The following SHC2 variants were observed in gnomAD, a reference collection of about 807,000 sequenced individuals.
The protein encoded by SHC2 is SHC adaptor protein 2, also known as SHC-transforming protein 2.
A neutral mutation model predicts 60.6 loss-of-function variants in SHC2; 62 were observed. The ratio of observed to expected loss-of-function variants is 1.02; its 90% CI spans 0.83 to 1.26. The LOEUF is 1.26. Among genes scored for constraint, SHC2 ranks in the 50% most tolerant of loss-of-function variants. The pLI, the probability that SHC2 is intolerant of heterozygous loss-of-function variation, is 0.00. For synonymous variants in SHC2, 375 were observed against 372.4 expected, an observed-to-expected ratio of 1.01 and a Z score of -0.08; for missense variants, 873 against 822.2, an observed-to-expected ratio of 1.06 and a Z score of -0.76.
At chr19:449,018 A>G (rs1218500514) in intron 1 of SHC2, among the ~76,000 whole-genome samples, 1 of 150,856 alleles carries the variant, frequency 6.6e-6, no homozygotes, top group Non-Finnish European at 1.5e-5. Context: ...AAATACAAAA[A>G]GTAGCCAGGC....
At chr19:456,271 C>T (rs1975340630) in intron 1 of SHC2, among the ~76,000 whole-genome samples, 2 of 152,158 alleles carry the variant, frequency 1.3e-5, no homozygotes, top group Non-Finnish European at 2.9e-5. Context: ...CCTGTGCCTG[C>T]TGTGATGTAG....
In SHC2 at chr19:422,713, CTCTT is replaced by C. The variant is rs372974331; in HGVS notation, c.1310-261_1310-258del. On this transcript the variant is annotated intron_variant, in intron 10 of 12. Coordinates refer to ENST00000264554, the MANE Select transcript of SHC2 (RefSeq NM_012435.3). This position sits in a 1 kb window ranked among gnomAD's most constrained non-coding sequence, Gnocchi z 5.0. ...AAGCATGTACAAAGGGTAACAGCAG[CTCTT>C]TCTTTCAGAGGTTAACTCCTATTTC... 5.4e-4 allele frequency: 221 copies of C among 411,410 alleles called. No individual in the cohort carries two copies. The highest frequency in any genetic ancestry group is 4.3e-3 in the Middle Eastern group (7 of 1,624). 25.5% of individuals were successfully genotyped at this position (411,410 alleles called of 1,614,324 possible).
In SHC2 at chr19:424,242, G is replaced by T. The variant is rs1298628625; in HGVS notation, c.1309+855C>A. Among the ~76,000 whole-genome samples, 2 of 152,172 alleles carry T rather than the reference G, an allele frequency of 1.3e-5. No individual in the cohort carries two copies. The highest frequency in any genetic ancestry group is 2.4e-5 in the African/African-American group (1 of 41,454). On this transcript the variant is annotated intron_variant, in intron 10 of 12. Coordinates refer to ENST00000264554, the MANE Select transcript of SHC2 (RefSeq NM_012435.3). This position sits in a 1 kb window ranked among gnomAD's most constrained non-coding sequence, Gnocchi z 4.5. ...GACAAGCCTCCTCCGCCCGGCTGGG[G>T]GCTCCCTCGGGCTGGGTCATCCACG...
At position 441,668 on chromosome 19, in the gene SHC2, G is replaced by A. The variant is rs567592952; in HGVS notation, c.469-736C>T. Among the ~76,000 whole-genome samples, 37 of 152,350 alleles carry A rather than the reference G, an allele frequency of 2.4e-4. No individual in the cohort carries two copies. The East Asian group carries it at 6.2e-3, about 25-fold the overall frequency. ...AGAGCATGTGTGGGTGCCAGGAGCC[G>A]GGGAATGAAGGCTGACACGAACAGG... On this transcript the variant is annotated intron_variant, in intron 1 of 12. Coordinates refer to ENST00000264554, the MANE Select transcript of SHC2 (RefSeq NM_012435.3). The surrounding 1 kb of genome is among the most constrained non-coding windows in gnomAD (Gnocchi z 4.9).
intron 9 of SHC2, among the ~76,000 whole-genome samples, chr19:428,717 C>T (rs1399983088): frequency 6.6e-6 from 1 of 152,178 alleles, no homozygotes; most frequent in African/African-American, 2.4e-5. Context: ...TTTTTAAACT[C>T]CATGATGTTT....
chr19:454,900 G>T (rs989849758), intron 1 of SHC2, among the ~76,000 whole-genome samples: 6 of 152,228 alleles, frequency 3.9e-5, no homozygotes, highest in Non-Finnish European at 8.8e-5. Context: ...CCCAGTGCTG[G>T]TGGTGGCCGG....
At chr19:420,803 G>A (rs999034055) in intron 11 of SHC2, among the ~76,000 whole-genome samples, 6 of 152,160 alleles carry the variant, frequency 3.9e-5, no homozygotes, top group African/African-American at 1.4e-4. Context: ...TGTAATCCCA[G>A]CACTTTGGGA....
At position 441,072 on chromosome 19, in the gene SHC2, G is replaced by T. The variant is rs145398565; in HGVS notation, c.469-140C>A. 6.7e-7 allele frequency: 1 copy of T among 1,491,162 alleles called. No individual in the cohort carries two copies. The highest frequency in any genetic ancestry group is 9.0e-7 in the Non-Finnish European group (1 of 1,113,298). 92.4% of individuals were successfully genotyped at this position (1,491,162 alleles called of 1,614,324 possible). On this transcript the variant is annotated intron_variant, in intron 1 of 12. Coordinates refer to ENST00000264554, the MANE Select transcript of SHC2 (RefSeq NM_012435.3). This position sits in a 1 kb window ranked among gnomAD's most constrained non-coding sequence, Gnocchi z 4.9. The stretch of plus-strand genomic sequence containing the variant: ...TGTCCCTGGTGGCTCTGGGGCCGTC[G>T]TGCCTCCCCCACCTCAAGGCCCAGC...
At chr19:421,500 G>A (rs1272343936) in intron 11 of SHC2, among the ~76,000 whole-genome samples, 1 of 151,810 alleles carries the variant, frequency 6.6e-6, no homozygotes, top group Non-Finnish European at 1.5e-5. Context: ...TCAGTAACTT[G>A]ATCCCAAAAT....
At position 418,941 on chromosome 19, in the gene SHC2, G is replaced by C; in HGVS notation, c.1736C>G (p.Ser579Ter). ...ESELHLRGVV[S>*]REP ...CACACACCTGGCTCAGGGCTCCCGT[G>C]AGACCACGCCACGCAGGTGCAGCTC... Residue 579 changes from serine to a stop codon, truncating the protein, a stop_gained, in exon 12 of 13, where the codon TCA becomes TGA. Coordinates refer to ENST00000264554, the MANE Select transcript of SHC2 (RefSeq NM_012435.3). LOFTEE classifies it high-confidence loss of function. The C allele has an allele frequency of 1.3e-6, 2 of 1,589,602 alleles. No individual in the cohort carries two copies. Among genetic ancestry groups the C allele is most frequent in the Non-Finnish European group, 1.7e-6 (2 of 1,168,332 alleles).
chr19:436,534 CAG>C, intron 5 of SHC2, 94 bp downstream of exon 5: 1 of 1,581,544 alleles, frequency 6.3e-7, no homozygotes, highest in East Asian at 2.3e-5. Context: ...GATGTGGGCA[CAG>C]GGTACGTTAG....
chr19:425,255 G>A lies in SHC2; in HGVS notation c.1175-24C>T. ...AGCTGGGGAGTGTAAAGAGGGGCAGGGGGTCAGCTGGGAGCCAGGCGAGGG... is the reference window on the plus strand; with the variant it reads ...AGCTGGGGAGTGTAAAGAGGGGCAGAGGGTCAGCTGGGAGCCAGGCGAGGG... On this transcript the variant is annotated intron_variant, in intron 9 of 12. Transcript: ENST00000264554. The surrounding 1 kb of genome is among the most constrained non-coding windows in gnomAD (Gnocchi z 4.1). The A allele has an allele frequency of 7.6e-7, 1 of 1,314,306 alleles. No homozygotes were observed. The highest frequency in any genetic ancestry group is 9.8e-7 in the Non-Finnish European group (1 of 1,023,748). The allele number at this position is 1,314,306 out of a possible 1,614,324, so 81.4% of individuals were successfully genotyped here. A position where few individuals can be genotyped will look rare whatever the true frequency, so the allele number is the denominator to read the frequency against.
chr19:442,032 G>A (rs1313620977), intron 1 of SHC2, among the ~76,000 whole-genome samples: 1 of 152,224 alleles, frequency 6.6e-6, no homozygotes, highest in African/African-American at 2.4e-5. Flanking sequence ...TGAGAATGCA[G>A]GCAGGAAGCA....
In SHC2 at chr19:440,618, T is replaced by C. The variant is rs1486632028; in HGVS notation, c.539+244A>G. On this transcript the variant is annotated intron_variant, in intron 2 of 12. Coordinates refer to ENST00000264554, the MANE Select transcript of SHC2 (RefSeq NM_012435.3). The surrounding 1 kb of genome is among the most constrained non-coding windows in gnomAD (Gnocchi z 7.0). ...CCGTGCGGGGACTTGCCCAGCACCC[T>C]GTGAGCGACCGGCGTGTTCTTTCCA... Among the ~76,000 whole-genome samples the C allele has an allele frequency of 2.0e-5, 3 of 152,168 alleles. No homozygotes were observed. Among genetic ancestry groups the C allele is most frequent in the Non-Finnish European group, 2.9e-5 (2 of 68,030 alleles).
chr19:459,181 C>T (rs1264651668), intron 1 of SHC2, among the ~76,000 whole-genome samples: 2 of 151,828 alleles, frequency 1.3e-5, no homozygotes, highest in African/African-American at 4.8e-5. Context: ...CTTCTCAACT[C>T]GGTGTAGGGG....
At chr19:418,270 A>G (rs1260742234) in intron 12 of SHC2, among the ~76,000 whole-genome samples, 1 of 152,152 alleles carries the variant, frequency 6.6e-6, no homozygotes, top group Non-Finnish European at 1.5e-5. Context: ...TCTGGGAAGG[A>G]GGCCTGGACA....
In SHC2 at chr19:445,771, C is replaced by T. The variant is rs758769137; in HGVS notation, c.469-4839G>A. 2.0e-5 allele frequency among the ~76,000 whole-genome samples: 3 copies of T among 152,122 alleles called. No homozygotes were observed. Among genetic ancestry groups the T allele is most frequent in the African/African-American group, 7.2e-5 (3 of 41,510 alleles). On this transcript the variant is annotated intron_variant, in intron 1 of 12. Transcript: ENST00000264554. This position sits in a 1 kb window ranked among gnomAD's most constrained non-coding sequence, Gnocchi z 4.4. ...CATTTTTGCCGGGCGCGGTGGCTCA[C>T]GCCTGTAATCCCAGCACTTTGGGAG... is the stretch of plus-strand genomic sequence containing the variant.
chr19:430,195 A>G (rs920395209), intron 9 of SHC2, among the ~76,000 whole-genome samples: 15 of 148,498 alleles, frequency 1.0e-4, no homozygotes, highest in African/African-American at 3.8e-4. Flanking sequence ...CCCAACGTGC[A>G]CAGAAACCTA....
In SHC2 at chr19:441,272, T is replaced by C. The variant is rs974912133; in HGVS notation, c.469-340A>G. The C allele has an allele frequency of 1.6e-6, 1 of 606,330 alleles. No homozygotes were observed. Among genetic ancestry groups the C allele is most frequent in the Non-Finnish European group, 2.1e-6 (1 of 486,830 alleles). The allele number at this position is 606,330 out of a possible 1,614,324, so 37.6% of individuals were successfully genotyped here. ...GCACCGAAGCCGAGGAGCGTGGGGA[T>C]GGTGCGATCCTGAGCACTTCCCTAT... is the stretch of plus-strand genomic sequence containing the variant. On this transcript the variant is annotated intron_variant, in intron 1 of 12. Transcript: ENST00000264554. This position sits in a 1 kb window ranked among gnomAD's most constrained non-coding sequence, Gnocchi z 4.9.
Sources: allele counts gnomAD v4.1 joint callset (sites outside exome capture counted in the v4.1 genomes callset), GRCh38; gene constraint gnomAD v4.1.1; non-coding constraint Gnocchi (gnomAD v3.1); transcripts MANE v1.5; gene names NCBI Gene and HGNC (gene_info 2026-07-23, HGNC 2026-07-21).